GRAMD1C: variants seen among roughly 807,000 people sequenced by gnomAD.
The protein encoded by GRAMD1C is protein Aster-C.
In GRAMD1C, 89 loss-of-function variants were observed where a neutral mutation model predicts 97.8. That is an observed-to-expected ratio of 0.91 (90% CI 0.77 to 1.09). The LOEUF is 1.09. GRAMD1C is among the 50% of genes least tolerant of loss of function. The pLI is 0.00. For synonymous variants in GRAMD1C, 256 were observed against 267.0 expected, an observed-to-expected ratio of 0.96 and a Z score of 0.40; for missense variants, 740 against 766.4, an observed-to-expected ratio of 0.97 and a Z score of 0.41.
At chr3:113,905,542 CCTTTT>C (rs371346157) in intron 8 of GRAMD1C, among the ~76,000 whole-genome samples, 185 of 152,210 alleles carry the variant, frequency 1.2e-3, no homozygotes, top group African/African-American at 4.1e-3. Flanking sequence ...AATTACTTAA[CCTTTT>C]CTTTTCTTTT....
chr3:113,884,640 G>C (rs1016266520), intron 6 of GRAMD1C, among the ~76,000 whole-genome samples: 1 of 152,062 alleles, frequency 6.6e-6, no homozygotes, highest in Admixed American at 6.5e-5. Flanking sequence ...AGACCATCCT[G>C]GCTAACATGT....
At chr3:113,886,168 C>A (rs915246341) in intron 6 of GRAMD1C, 27 of 1,445,146 alleles carry the variant, frequency 1.9e-5, no homozygotes, top group Non-Finnish European at 2.5e-5. Context: ...CCCTCTCTGC[C>A]CTGGGAGCCC....
chr3:113,911,426 A>G (rs1382779956), intron 9 of GRAMD1C, among the ~76,000 whole-genome samples: 1 of 151,632 alleles, frequency 6.6e-6, no homozygotes, highest in Non-Finnish European at 1.5e-5. Flanking sequence ...TTGTAATTTT[A>G]GTAAACAAGG....
intron 2 of GRAMD1C, among the ~76,000 whole-genome samples, chr3:113,849,931 C>T (rs1933803194): frequency 6.7e-6 from 1 of 149,630 alleles, no homozygotes; most frequent in African/African-American, 2.5e-5. Flanking sequence ...GGCTGACCCC[C>T]CCACCTCCCT....
intron 5 of GRAMD1C, among the ~76,000 whole-genome samples, chr3:113,879,216 AC>A (rs1935173175): frequency 7.0e-6 from 1 of 142,688 alleles, no homozygotes; most frequent in East Asian, 2.1e-4. Context: ...AAAAAAAAAA[AC>A]CAAAAAACAA....
chr3:113,911,169 G>GACACACACACACACACACACAC (rs1475648451), intron 9 of GRAMD1C, among the ~76,000 whole-genome samples: 1 of 4,548 alleles, frequency 2.2e-4, no homozygotes, highest in African/African-American at 7.1e-4. Flanking sequence ...ACAACAGAGA[G>GACACACACACACACACACACAC]AGAGACACAC....
At chr3:113,864,797 C>G (rs142119870) in intron 2 of GRAMD1C, among the ~76,000 whole-genome samples, 33 of 152,302 alleles carry the variant, frequency 2.2e-4, no homozygotes, top group African/African-American at 7.9e-4. Flanking sequence ...CAGAATTTCT[C>G]TTAATGACCC....
chr3:113,884,169 T>A lies in GRAMD1C; in HGVS notation c.540+1337T>A, dbSNP rs765613504. 5.5e-4 allele frequency among the ~76,000 whole-genome samples: 84 copies of A among 152,176 alleles called. 1 individual carries two copies. Among genetic ancestry groups the A allele is most frequent in the Non-Finnish European group, 2.4e-4 (16 of 68,034 alleles). On this transcript the variant is annotated intron_variant, in intron 6 of 17. Transcript: ENST00000358160. ...AGAATATATATATATCCTTTTCAAG[T>A]GCACATGAAACATTCTCCAGAATAG...
chr3:113,885,653 A>G, intron 6 of GRAMD1C: 1 of 1,510,956 alleles, frequency 6.6e-7, no homozygotes, highest in Admixed American at 1.7e-5. Context: ...TCTTCCTGGA[A>G]GTGGTGAGCC....
intron 2 of GRAMD1C, chr3:113,850,531 A>G: frequency 6.3e-7 from 1 of 1,593,214 alleles, no homozygotes. Flanking sequence ...AGGTACCAGT[A>G]GAAATGTCTC....
intron 12 of GRAMD1C, among the ~76,000 whole-genome samples, 200 bp downstream of exon 12, chr3:113,933,853 A>G (rs1418478893): frequency 6.6e-6 from 1 of 152,234 alleles, no homozygotes; most frequent in Non-Finnish European, 1.5e-5. Flanking sequence ...GAGCTACGTG[A>G]TCCAGAATAT....
Position 113,945,873 on chromosome 3 carries a change from C to G in GRAMD1C, c.*395C>G, listed in dbSNP as rs1180853875. 1 of 168,540 alleles carries G rather than the reference C, an allele frequency of 5.9e-6. No individual in the cohort carries two copies. The highest frequency in any genetic ancestry group is 2.4e-5 in the African/African-American group (1 of 41,714). The allele number at this position is 168,540 out of a possible 1,614,324, so 10.4% of individuals were successfully genotyped here. ...GTCGCTTTTGTAACTGAGATAAGAC[C>G]AAGAGGATAAACAGGACAATATAAG... is the stretch of plus-strand genomic sequence containing the variant. On this transcript the variant is annotated 3_prime_UTR_variant, in exon 18 of 18. Transcript: ENST00000358160.
chr3:113,920,790 G>A (rs1386346329), intron 10 of GRAMD1C, among the ~76,000 whole-genome samples: 1 of 152,072 alleles, frequency 6.6e-6, no homozygotes, highest in Non-Finnish European at 1.5e-5. Flanking sequence ...TGATCCACCT[G>A]CCTCGGCCTC....
At chr3:113,874,964 C>T (rs1934969257) in intron 3 of GRAMD1C, among the ~76,000 whole-genome samples, 3 of 152,234 alleles carry the variant, frequency 2.0e-5, no homozygotes, top group South Asian at 4.1e-4. Context: ...ATGACAACCA[C>T]AGTCTACCAT....
At chr3:113,841,285 C>CTTTTTTTTTTTTTTTTTT (rs772233296) in intron 1 of GRAMD1C, among the ~76,000 whole-genome samples, 50 of 94,330 alleles carry the variant, frequency 5.3e-4, no homozygotes, top group East Asian at 1.4e-3. Flanking sequence ...TTCTTTCTTT[C>CTTTTTTTTTTTTTTTTTT]TTTTTTTTTT....
At chr3:113,936,130 G>A (rs1937573353) in intron 13 of GRAMD1C, 136 bp from the exon 14 acceptor site, 1 of 589,042 alleles carries the variant, frequency 1.7e-6, no homozygotes, top group Non-Finnish European at 3.0e-6. Flanking sequence ...TTCATTAAGT[G>A]TAAAATTTGA....
intron 9 of GRAMD1C, among the ~76,000 whole-genome samples, chr3:113,910,897 C>A (rs2107330354): frequency 6.6e-6 from 1 of 152,242 alleles, no homozygotes; most frequent in Non-Finnish European, 1.5e-5. Context: ...GCCTACCCAA[C>A]ATACTCCTTC....
At chr3:113,832,730 T>A (rs115087082) in intron 1 of GRAMD1C, among the ~76,000 whole-genome samples, 2,088 of 152,260 alleles carry the variant, frequency 0.014, 35 homozygotes, top group African/African-American at 0.038. Context: ...GCCACATAAG[T>A]CTCTGTTCTG....
rs1438803909 is a variant in GRAMD1C at position 113,876,174 on chromosome 3, G to A, written c.373G>A (p.Ala125Thr). ...TTTTTTGTGTGTTTAGATTTCTATT[G>A]CTTTAAAGAATATAACCTTCATGAC... Reference protein sequence around the residue: ...IFRWETTISIALKNITFMTKE... With the variant: ...IFRWETTISITLKNITFMTKE... Residue 125 changes from alanine to threonine, a missense_variant, in exon 5 of 18, where the codon GCT becomes ACT. Ala to Thr is a moderately conservative substitution (Grantham distance 58, BLOSUM62 0). Transcript: ENST00000358160. The A allele has an allele frequency of 1.3e-6, 2 of 1,548,588 alleles. No individual in the cohort carries two copies. Among genetic ancestry groups the A allele is most frequent in the East Asian group, 2.3e-5 (1 of 44,396 alleles).
Sources: gnomAD v4.1 joint callset for allele counts (sites outside exome capture counted in the v4.1 genomes callset) on GRCh38, gnomAD v4.1.1 for gene constraint, MANE v1.5 for transcripts, NCBI Gene and HGNC (gene_info 2026-07-23, HGNC 2026-07-21) for gene names.